NBR1: variants seen among roughly 807,000 people sequenced by gnomAD.
The protein encoded by NBR1 is NBR1 autophagy cargo receptor, also known as next to BRCA1 gene 1 protein.
NBR1 carries 59 observed loss-of-function variants against 115.5 expected under a neutral mutation model. The ratio of observed to expected loss-of-function variants is 0.51; its 90% CI spans 0.41 to 0.63. The LOEUF (loss-of-function observed/expected upper bound fraction) is 0.63, where lower values mean the gene tolerates loss of function less well. NBR1 is among the 30% of genes least tolerant of loss of function. The pLI, the probability that NBR1 is intolerant of heterozygous loss-of-function variation, is 0.00. For synonymous variants in NBR1, 373 were observed against 414.7 expected (o/e 0.90, Z 1.22); for missense variants, 1,043 against 1,150.5 (o/e 0.91, Z 1.35).
rs139391334 is a variant in NBR1, at chr17:43,172,091, G to C, written c.-10+789G>C. On this transcript the variant is annotated intron_variant, in intron 1 of 20. Coordinates refer to ENST00000590996, the MANE Select transcript of NBR1 (RefSeq NM_005899.5). Reference sequence around the variant, plus strand: ...ATCGACGTGGAGGAAAAGCTAACTTGTGCCAAGCAAAGGTGAGTCAGTGGC... The same window carrying C: ...ATCGACGTGGAGGAAAAGCTAACTTCTGCCAAGCAAAGGTGAGTCAGTGGC... Among the ~76,000 whole-genome samples, 391 of 152,264 alleles carry C rather than the reference G, an allele frequency of 2.6e-3. 2 individuals are homozygous for C. The highest frequency in any genetic ancestry group is 8.7e-3 in the African/African-American group (363 of 41,536).
chr17:43,176,888 C>G (rs1597964237), intron 2 of NBR1, among the ~76,000 whole-genome samples: 1 of 152,204 alleles, frequency 6.6e-6, no homozygotes, highest in South Asian at 2.1e-4. Flanking sequence ...ATCTGTTACT[C>G]CCACCTTCTT....
chr17:43,204,172 T>C (rs893527806), intron 20 of NBR1, among the ~76,000 whole-genome samples: 2 of 151,982 alleles, frequency 1.3e-5, no homozygotes, highest in African/African-American at 4.8e-5. Flanking sequence ...TCTCGTGACT[T>C]CATGATCTTC....
At chr17:43,177,437 T>C (rs1404682933) in intron 2 of NBR1, among the ~76,000 whole-genome samples, 1 of 151,954 alleles carries the variant, frequency 6.6e-6, no homozygotes, top group African/African-American at 2.4e-5. Context: ...GAAATTTTAA[T>C]AGATTCTGCC....
chr17:43,186,291 C>T lies in NBR1; in HGVS notation c.249C>T (p.His83=), dbSNP rs112368175. ...GAAACCAACTGCAGATGCAAGTCCA[C>T]GAAGGGCACCATGTCGTTGATGAAG... ...KQGNQLQMQV[H]EGHHVVDEAP... The change falls in exon 6 of 21, where the codon CAC becomes CAT. Residue 83 remains histidine (H), a synonymous_variant. Coordinates refer to ENST00000590996, the MANE Select transcript of NBR1 (RefSeq NM_005899.5). 47 of 1,585,598 alleles carry T rather than the reference C, an allele frequency of 3.0e-5. No homozygotes were observed. Among genetic ancestry groups the T allele is most frequent in the Middle Eastern group, 1.7e-4 (1 of 6,052 alleles).
In NBR1 at chr17:43,210,167, A is replaced by G. The variant is rs972809341; in HGVS notation, c.*93A>G. On this transcript the variant is annotated 3_prime_UTR_variant, in exon 21 of 21. Coordinates refer to ENST00000590996, the MANE Select transcript of NBR1 (RefSeq NM_005899.5). ...GGATAGAAGCCCTTGCTTATTTTTA[A>G]TCTGATGAATCTGTATAGAGCCCAT... 2 of 1,233,590 alleles carry G rather than the reference A, an allele frequency of 1.6e-6. No homozygotes were observed. The highest frequency in any genetic ancestry group is 2.2e-6 in the Non-Finnish European group (2 of 894,090). The allele number at this position is 1,233,590 out of a possible 1,614,324, so 76.4% of individuals were successfully genotyped here.
intron 1 of NBR1, among the ~76,000 whole-genome samples, chr17:43,172,398 A>G (rs1280726271): frequency 2.6e-5 from 4 of 152,298 alleles, no homozygotes; most frequent in East Asian, 1.9e-4. Flanking sequence ...TAAATTTCCA[A>G]TTGTGTAATT....
rs752594082 is a variant in NBR1, at chr17:43,186,360, A to G, written c.318A>G (p.Ala106=). ...VVGAKRLAAR[A]GKKPLAHYSS... ...GAGCAAAACGACTAGCTGCCAGGGCAGGGAAGAAGCCACTTGCACATTACT... is the reference window on the plus strand; with the variant it reads ...GAGCAAAACGACTAGCTGCCAGGGCGGGGAAGAAGCCACTTGCACATTACT... Residue 106 remains alanine (A), a synonymous_variant, in exon 6 of 21, where the codon GCA becomes GCG. Transcript: ENST00000590996. The G allele has an allele frequency of 1.2e-6, 2 of 1,601,568 alleles. No homozygotes were observed. Among genetic ancestry groups the G allele is most frequent in the South Asian group, 2.3e-5 (2 of 88,538 alleles).
In NBR1 at chr17:43,186,253, G is replaced by C. The variant is rs2056797625; in HGVS notation, c.211G>C (p.Ala71Pro). 1.3e-6 allele frequency: 2 copies of C among 1,566,878 alleles called. No individual in the cohort carries two copies. Among genetic ancestry groups the C allele is most frequent in the African/African-American group, 2.7e-5 (2 of 73,632 alleles). ...QGEYEEALKM[A>P]VKQGNQLQMQ... ...GTTTCATAATGTATGCTCTTAGATG[G>C]CAGTTAAACAGGGAAACCAACTGCA... is the stretch of plus-strand genomic sequence containing the variant. The change falls in exon 6 of 21, where the codon GCA (alanine) becomes CCA (proline). Residue 71 changes from alanine to proline, a missense_variant. Ala to Pro is a conservative substitution (Grantham distance 27). Coordinates refer to ENST00000590996, the MANE Select transcript of NBR1 (RefSeq NM_005899.5).
intron 10 of NBR1, among the ~76,000 whole-genome samples, chr17:43,192,313 C>T (rs931319319): frequency 3.3e-5 from 5 of 151,950 alleles, no homozygotes; most frequent in South Asian, 2.1e-4. Flanking sequence ...TGAGCCACTG[C>T]GCCTGCCTGG....
At chr17:43,196,131 A>AC (rs1399301887) in intron 14 of NBR1, 113 of 161,226 alleles carry the variant, frequency 7.0e-4, no homozygotes, top group Middle Eastern at 5.8e-3. Flanking sequence ...AAAAAAAAAA[A>AC]AAAAAGCAAT....
At chr17:43,204,558 G>A (rs1476903501) in intron 20 of NBR1, among the ~76,000 whole-genome samples, 2 of 151,886 alleles carry the variant, frequency 1.3e-5, no homozygotes, top group African/African-American at 2.4e-5. Flanking sequence ...GCTCACACCT[G>A]TAATCCCAGC....
intron 16 of NBR1, among the ~76,000 whole-genome samples, chr17:43,198,445 G>A (rs1020787010): frequency 1.3e-5 from 2 of 151,842 alleles, no homozygotes; most frequent in Non-Finnish European, 2.9e-5. Context: ...ACAAGCTCAG[G>A]AGTTTGAGAC....
At chr17:43,171,161 TG>T (rs2056350523), upstream of NBR1, 1 of 152,712 alleles carries the variant, frequency 6.5e-6, no homozygotes, top group South Asian at 2.1e-4. Context: ...CCAATCATCT[TG>T]GCGAACACTC....
chr17:43,173,680 A>C (rs1444647697), intron 1 of NBR1, among the ~76,000 whole-genome samples: 1 of 152,188 alleles, frequency 6.6e-6, no homozygotes, highest in Non-Finnish European at 1.5e-5. Flanking sequence ...GAGATAGTCA[A>C]AGCAGACGTA....
Position 43,186,380 on chromosome 17 carries a change from A to G in NBR1, c.338A>G (p.His113Arg), listed in dbSNP as rs1425078881. 3.1e-6 allele frequency: 5 copies of G among 1,602,348 alleles called. No homozygotes were observed. Among genetic ancestry groups the G allele is most frequent in the South Asian group, 1.1e-5 (1 of 88,472 alleles). ...AGGGCAGGGAAGAAGCCACTTGCAC[A>G]TTACTCTTCACTGGTGAGAGTCTTG... ...AARAGKKPLA[H>R]YSSLVRVLGS... Residue 113 changes from histidine (H) to arginine (R), a missense_variant, in exon 6 of 21, where the codon CAT becomes CGT. Transcript: ENST00000590996.
In NBR1 at chr17:43,211,071, G is replaced by T. The variant is rs955164387; in HGVS notation, c.*997G>T. 1.5e-5 allele frequency: 3 copies of T among 195,366 alleles called. No individual in the cohort carries two copies. Among genetic ancestry groups the T allele is most frequent in the Non-Finnish European group, 3.1e-5 (3 of 96,952 alleles). The allele number at this position is 195,366 out of a possible 1,614,324, so 12.1% of individuals were successfully genotyped here. Reference sequence around the variant, plus strand: ...TTTAATGCTTGAAGTCCGTTCACAGGTATCTAGCCCTAGAATGCCTAGAAC... The same window carrying T: ...TTTAATGCTTGAAGTCCGTTCACAGTTATCTAGCCCTAGAATGCCTAGAAC... On this transcript the variant is annotated 3_prime_UTR_variant, in exon 21 of 21. Coordinates refer to ENST00000590996, the MANE Select transcript of NBR1 (RefSeq NM_005899.5).
At chr17:43,207,524 G>A (rs1282624078) in intron 20 of NBR1, among the ~76,000 whole-genome samples, 2 of 152,106 alleles carry the variant, frequency 1.3e-5, no homozygotes, top group Non-Finnish European at 2.9e-5. Context: ...TGCCTAGCTA[G>A]TTTTTTAAAA....
intron 6 of NBR1, among the ~76,000 whole-genome samples, chr17:43,186,997 T>C (rs1317797061): frequency 3.9e-5 from 6 of 152,202 alleles, no homozygotes; most frequent in Admixed American, 2.6e-4. Flanking sequence ...CATGTGTCTT[T>C]ATAGCAGAAT....
chr17:43,182,007 AC>A (rs1325584302), intron 5 of NBR1, among the ~76,000 whole-genome samples: 2 of 149,480 alleles, frequency 1.3e-5, no homozygotes, highest in Admixed American at 1.3e-4. Context: ...AACCCAAAAA[AC>A]TCTTGATGCC....
Sources: gnomAD v4.1 joint callset for allele counts (sites outside exome capture counted in the v4.1 genomes callset) on GRCh38, gnomAD v4.1.1 for gene constraint, MANE v1.5 for transcripts, NCBI Gene and HGNC (gene_info 2026-07-23, HGNC 2026-07-21) for gene names.